Variants in CYP2S1 observed in about 807,000 individuals in gnomAD.
The protein encoded by CYP2S1 is cytochrome P450 2S1.
A neutral mutation model predicts 43.5 loss-of-function variants in CYP2S1; 32 were observed. That is an observed-to-expected ratio of 0.74 (90% CI 0.56 to 0.99). The LOEUF is 0.99. Ranked by LOEUF, CYP2S1 falls within the 50% of genes least tolerant of loss-of-function variation. The pLI, the probability that CYP2S1 is intolerant of heterozygous loss-of-function variation, is 0.00. For missense variants in CYP2S1, 575 were observed against 673.9 expected (o/e 0.85, Z 1.62); for synonymous variants, 283 against 302.9 (o/e 0.93, Z 0.68).
chr19:41,198,686 A>G lies in CYP2S1; in HGVS notation c.655-23A>G, dbSNP rs2033447620. On this transcript the variant is annotated intron_variant, in intron 4 of 8. Coordinates refer to ENST00000310054, the MANE Select transcript of CYP2S1 (RefSeq NM_030622.8). This position sits in a 1 kb window ranked among gnomAD's most constrained non-coding sequence, Gnocchi z 4.9. ...AGGTTCCTGCCAAGGTCCCATGAGA[A>G]CTAGCTGCCCTTCTCCCCACAGACC... 1 of 1,613,346 alleles carries G rather than the reference A, an allele frequency of 6.2e-7. No individual in the cohort carries two copies.
Position 41,206,612 on chromosome 19 carries a change from G to C in CYP2S1, c.*124G>C. ...CAGCCACATTTACACGCCTGCAGTT[G>C]TTTTCCGGAGTCTGTCCCACGGCCC... On this transcript the variant is annotated 3_prime_UTR_variant, in exon 9 of 9. Coordinates refer to ENST00000310054, the MANE Select transcript of CYP2S1 (RefSeq NM_030622.8). 8.2e-7 allele frequency: 1 copy of C among 1,224,288 alleles called. No individual in the cohort carries two copies. The highest frequency in any genetic ancestry group is 1.2e-6 in the Non-Finnish European group (1 of 834,848). The allele number at this position is 1,224,288 out of a possible 1,614,324, so 75.8% of individuals were successfully genotyped here.
At chr19:41,200,513 C>T (rs1014466697) in intron 5 of CYP2S1, among the ~76,000 whole-genome samples, 4 of 152,080 alleles carry the variant, frequency 2.6e-5, no homozygotes, top group Non-Finnish European at 5.9e-5. Context: ...GCTGGGACTA[C>T]AGGTGCCCGT....
At position 41,194,681 on chromosome 19, in the gene CYP2S1, G is replaced by A. The variant is rs201188229; in HGVS notation, c.315G>A (p.Ala105=). The change falls in exon 2 of 9, where the codon GCG becomes GCA. Residue 105 remains alanine, a synonymous_variant. Transcript: ENST00000310054. Reference sequence around the variant, plus strand: ...AGTTCAGCGGCCGGGGAACCGTAGCGATGCTGGAAGGGACTTTTGATGGCC... The same window carrying A: ...AGTTCAGCGGCCGGGGAACCGTAGCAATGCTGGAAGGGACTTTTGATGGCC... The part of the protein sequence containing the change: ...AEEFSGRGTV[A]MLEGTFDGHG... 4.2e-5 allele frequency: 67 copies of A among 1,612,166 alleles called. No homozygotes were observed. Among genetic ancestry groups the A allele is most frequent in the East Asian group, 2.0e-4 (9 of 44,800 alleles).
At position 41,202,866 on chromosome 19, in the gene CYP2S1, C is replaced by T. The variant is rs541420306; in HGVS notation, c.977-584C>T. 2.0e-5 allele frequency among the ~76,000 whole-genome samples: 3 copies of T among 151,888 alleles called. No individual in the cohort carries two copies. The East Asian group carries it at 5.8e-4, about 30-fold the overall frequency. On this transcript the variant is annotated intron_variant, in intron 6 of 8. Transcript: ENST00000310054. ...CTGTAATCCCAGCACTTTGGGAGGC[C>T]AAGGCAGGTGGATCACCTGAGGTCA...
At chr19:41,195,022 A>G (rs895918204) in intron 2 of CYP2S1, among the ~76,000 whole-genome samples, 2 of 152,216 alleles carry the variant, frequency 1.3e-5, no homozygotes, top group Admixed American at 6.5e-5. Flanking sequence ...AGGTTGAGGC[A>G]GGAGAATCGC....
At chr19:41,194,115 G>GA (rs539325136) in intron 1 of CYP2S1, among the ~76,000 whole-genome samples, 148 of 152,098 alleles carry the variant, frequency 9.7e-4, no homozygotes, top group African/African-American at 3.3e-3. Context: ...CAAGGACGTA[G>GA]AAAAAAGGGT....
At position 41,198,073 on chromosome 19, in the gene CYP2S1, C is replaced by A; in HGVS notation, c.493+145C>A. ...CTAGGGCTGGCCTGGGGGTTCTGTT[C>A]ACTGCCACCTTCTGTCTCTGTCCCA... On this transcript the variant is annotated intron_variant, in intron 3 of 8. Coordinates refer to ENST00000310054, the MANE Select transcript of CYP2S1 (RefSeq NM_030622.8). The surrounding 1 kb of genome is among the most constrained non-coding windows in gnomAD (Gnocchi z 4.9). 8.6e-7 allele frequency: 1 copy of A among 1,160,014 alleles called. No homozygotes were observed. The highest frequency in any genetic ancestry group is 1.2e-6 in the Non-Finnish European group (1 of 846,512). 71.9% of individuals were successfully genotyped at this position (1,160,014 alleles called of 1,614,324 possible).
Position 41,198,622 on chromosome 19 carries a change from G to A in CYP2S1, c.654G>A (p.Gln218=). 6.2e-7 allele frequency: 1 copy of A among 1,614,062 alleles called. No homozygotes were observed. The highest frequency in any genetic ancestry group is 8.5e-7 in the Non-Finnish European group (1 of 1,180,000). The part of the protein sequence containing the change: ...TLLGVSSQGG[Q]TYEMFSWFLR... Reference sequence around the variant, plus strand: ...TGGGAGTCAGCTCCCAGGGGGGTCAGGTGAGTGGGTGGGACCCCTCTCCAA... The same window carrying A: ...TGGGAGTCAGCTCCCAGGGGGGTCAAGTGAGTGGGTGGGACCCCTCTCCAA... Residue 218 remains glutamine, a splice_region_variant and synonymous_variant, in exon 4 of 9, where the codon CAG becomes CAA. Transcript: ENST00000310054. This position sits in a 1 kb window ranked among gnomAD's most constrained non-coding sequence, Gnocchi z 4.9.
At position 41,206,853 on chromosome 19, in the gene CYP2S1, AC is replaced by A; in HGVS notation, c.*366del. 1 of 476,624 alleles carries A rather than the reference AC, an allele frequency of 2.1e-6. No individual in the cohort carries two copies. The highest frequency in any genetic ancestry group is 4.2e-6 in the Non-Finnish European group (1 of 240,578). 29.5% of individuals were successfully genotyped at this position (476,624 alleles called of 1,614,324 possible). A position where few individuals can be genotyped will look rare whatever the true frequency, so the allele number is the denominator to read the frequency against. ...ACCTTCACAAGCCACAGAAACGGCCACACATGTTCACAGCTCACACGCCCTC... is the reference window on the plus strand; with the variant it reads ...ACCTTCACAAGCCACAGAAACGGCCAACATGTTCACAGCTCACACGCCCTC... On this transcript the variant is annotated 3_prime_UTR_variant, in exon 9 of 9. Coordinates refer to ENST00000310054, the MANE Select transcript of CYP2S1 (RefSeq NM_030622.8).
chr19:41,197,321 C>T (rs1036057723), intron 2 of CYP2S1, among the ~76,000 whole-genome samples: 1 of 152,188 alleles, frequency 6.6e-6, no homozygotes, highest in African/African-American at 2.4e-5. Flanking sequence ...ATTTATTGAG[C>T]ACCTACTGAG....
chr19:41,204,616 G>A (rs1324222900), intron 7 of CYP2S1, among the ~76,000 whole-genome samples: 3 of 126,670 alleles, frequency 2.4e-5, no homozygotes, highest in Non-Finnish European at 3.2e-5. Context: ...TTTTTTTTCC[G>A]AGATGGAGTC....
In CYP2S1 at chr19:41,206,386, C is replaced by T. The variant is rs780030868; in HGVS notation, c.1413C>T (p.Thr471=). Residue 471 remains threonine, a synonymous_variant, in exon 9 of 9, where the codon ACC becomes ACT. Transcript: ENST00000310054. ...FSLESPCPPD[T]LSLKPTVSGL... is the part of the protein sequence containing the mutation. ...TGGAGAGCCCGTGCCCGCCGGACAC[C>T]CTGAGCCTCAAGCCCACCGTCAGTG... 3 of 1,614,162 alleles carry T rather than the reference C, an allele frequency of 1.9e-6. No individual in the cohort carries two copies. The highest frequency in any genetic ancestry group is 8.5e-7 in the Non-Finnish European group (1 of 1,180,032).
At chr19:41,197,752 C>T in intron 2 of CYP2S1, 27 bp from the exon 3 acceptor site, 1 of 1,610,718 alleles carries the variant, frequency 6.2e-7, no homozygotes, top group Non-Finnish European at 8.5e-7. Context: ...GGGGCCGGTC[C>T]CTTTTTGAGT....
At chr19:41,193,523 C>A (rs2033369568) in intron 1 of CYP2S1, 82 bp downstream of exon 1, 3 of 1,369,080 alleles carry the variant, frequency 2.2e-6, no homozygotes, top group Non-Finnish European at 2.8e-6. Context: ...AGGGGCTTTT[C>A]GGGTATCCTA....
Position 41,198,347 on chromosome 19 carries a change from G to A in CYP2S1, c.494-115G>A, listed in dbSNP as rs954963965. 51 of 1,353,912 alleles carry A rather than the reference G, an allele frequency of 3.8e-5. No individual in the cohort carries two copies. Among genetic ancestry groups the A allele is most frequent in the South Asian group, 2.5e-4 (19 of 75,982 alleles). 83.9% of individuals were successfully genotyped at this position (1,353,912 alleles called of 1,614,324 possible). On this transcript the variant is annotated intron_variant, in intron 3 of 8. Transcript: ENST00000310054. This position sits in a 1 kb window ranked among gnomAD's most constrained non-coding sequence, Gnocchi z 4.9. ...TTTGCCTGTTTAGCTCTCTCCCTGCGCTGTCCATCCATCTTTCCCTGCCTC... is the reference window on the plus strand; with the variant it reads ...TTTGCCTGTTTAGCTCTCTCCCTGCACTGTCCATCCATCTTTCCCTGCCTC...
At position 41,198,701 on chromosome 19, in the gene CYP2S1, C is replaced by G; in HGVS notation, c.655-8C>G. 6.2e-7 allele frequency: 1 copy of G among 1,613,744 alleles called. No individual in the cohort carries two copies. Among genetic ancestry groups the G allele is most frequent in the Non-Finnish European group, 8.5e-7 (1 of 1,179,828 alleles). ...TCCCATGAGAACTAGCTGCCCTTCTCCCCACAGACCTACGAGATGTTCTCC... is the reference window on the plus strand; with the variant it reads ...TCCCATGAGAACTAGCTGCCCTTCTGCCCACAGACCTACGAGATGTTCTCC... On this transcript the variant is annotated splice_polypyrimidine_tract_variant and splice_region_variant and intron_variant, in intron 4 of 8. Coordinates refer to ENST00000310054, the MANE Select transcript of CYP2S1 (RefSeq NM_030622.8). The surrounding 1 kb of genome is among the most constrained non-coding windows in gnomAD (Gnocchi z 4.9).
At chr19:41,203,745 C>G in intron 7 of CYP2S1, 108 bp downstream of exon 7, 1 of 1,114,830 alleles carries the variant, frequency 9.0e-7, no homozygotes, top group African/African-American at 1.6e-5. Context: ...GTGTCTCTCT[C>G]TCTCTCTCTC....
intron 2 of CYP2S1, among the ~76,000 whole-genome samples, chr19:41,197,067 T>C (rs1004480407): frequency 6.6e-6 from 1 of 152,106 alleles, no homozygotes; most frequent in African/African-American, 2.4e-5. Flanking sequence ...TAGTGGCATA[T>C]GCCTGTAATC....
intron 1 of CYP2S1, 86 bp from the exon 2 acceptor site, chr19:41,194,458 G>T (rs2033383831): frequency 2.1e-6 from 3 of 1,453,586 alleles, no homozygotes; most frequent in Admixed American, 2.6e-5. Context: ...AGACCCGGTG[G>T]CTCCTCAAGT....
Sources: gnomAD v4.1 joint callset for allele counts (sites outside exome capture counted in the v4.1 genomes callset) on GRCh38, gnomAD v4.1.1 for gene constraint, Gnocchi (gnomAD v3.1) non-coding constraint, MANE v1.5 for transcripts, NCBI Gene and HGNC (gene_info 2026-07-23, HGNC 2026-07-21) for gene names.